The following PCDHGA9 variants were observed in gnomAD, a reference collection of about 807,000 sequenced individuals.
PCDHGA9 encodes protocadherin gamma subfamily A, 9, also known as protocadherin gamma-A9.
Under a neutral mutation model 62.5 loss-of-function variants are expected in PCDHGA9, and 37 were observed. The ratio of observed to expected loss-of-function variants is 0.59; its 90% CI spans 0.46 to 0.78. The LOEUF is 0.78. Ranked by LOEUF, PCDHGA9 falls within the 30% of genes least tolerant of loss-of-function variation. The pLI, the probability that PCDHGA9 is intolerant of heterozygous loss-of-function variation, is 0.00. For synonymous variants in PCDHGA9, 459 were observed against 484.6 expected (o/e 0.95, Z 0.69); for missense variants, 1,138 against 1,166.2 (o/e 0.98, Z 0.35).
intron 1 of PCDHGA9, chr5:141,414,452 T>C (rs767824112): frequency 6.2e-7 from 1 of 1,613,886 alleles, no homozygotes. Flanking sequence ...AATATCACAG[T>C]GACAGCCACA....
chr5:141,419,551 C>T lies in PCDHGA9; in HGVS notation c.2424+14175C>T, dbSNP rs772468979. Reference sequence around the variant, plus strand: ...ACGACAACGCACCGCGGGTGCTGTACCCTGCGCTGGGTCCCGACGGCTCCG... The same window carrying T: ...ACGACAACGCACCGCGGGTGCTGTATCCTGCGCTGGGTCCCGACGGCTCCG... On this transcript the variant is annotated intron_variant, in intron 1 of 3. Transcript: ENST00000573521. 7 of 1,611,916 alleles carry T rather than the reference C, an allele frequency of 4.3e-6. No individual in the cohort carries two copies. The Admixed American group carries it at 1.2e-4, about 27-fold the overall frequency.
chr5:141,477,042 G>A lies in PCDHGA9; in HGVS notation c.2425-17765G>A. ...ACCGGGATGCTGACAATCAAGGGTC[G>A]GCTGGACTTCGAGGACACCAAACTC... On this transcript the variant is annotated intron_variant, in intron 1 of 3. Transcript: ENST00000573521. This position sits in a 1 kb window ranked among gnomAD's most constrained non-coding sequence, Gnocchi z 4.9. 1 of 1,614,238 alleles carries A rather than the reference G, an allele frequency of 6.2e-7. No homozygotes were observed. Among genetic ancestry groups the A allele is most frequent in the Non-Finnish European group, 8.5e-7 (1 of 1,180,040 alleles).
Position 141,477,203 on chromosome 5 carries a change from G to T in PCDHGA9, c.2425-17604G>T. On this transcript the variant is annotated intron_variant, in intron 1 of 3. Coordinates refer to ENST00000573521, the MANE Select transcript of PCDHGA9 (RefSeq NM_018921.3). The surrounding 1 kb of genome is among the most constrained non-coding windows in gnomAD (Gnocchi z 4.9). ...CACCTCCGTGTACAGCCCAGTACCC[G>T]AGGATGCCCCTCTGGGGACTGTCAT... 1 of 1,614,176 alleles carries T rather than the reference G, an allele frequency of 6.2e-7. No individual in the cohort carries two copies. The highest frequency in any genetic ancestry group is 1.1e-5 in the South Asian group (1 of 91,082).
At chr5:141,419,394 G>A (rs778450240) in intron 1 of PCDHGA9, 2 of 1,613,612 alleles carry the variant, frequency 1.2e-6, no homozygotes, top group East Asian at 2.2e-5. Flanking sequence ...GCGCAGAGCG[G>A]GGTGGTGTTC....
intron 1 of PCDHGA9, chr5:141,422,638 T>G (rs1412270971): frequency 6.2e-7 from 1 of 1,612,392 alleles, no homozygotes. Context: ...CAGGGGTGCC[T>G]CCATCTTCTC....
Position 141,412,876 on chromosome 5 carries a change from A to G in PCDHGA9, c.2424+7500A>G, listed in dbSNP as rs1206092699. 12 of 281,096 alleles carry G rather than the reference A, an allele frequency of 4.3e-5. No homozygotes were observed. The East Asian group carries it at 7.9e-4, about 19-fold the overall frequency. The allele number at this position is 281,096 out of a possible 1,614,324, so 17.4% of individuals were successfully genotyped here. A position where few individuals can be genotyped will look rare whatever the true frequency, so the allele number is the denominator to read the frequency against. On this transcript the variant is annotated intron_variant, in intron 1 of 3. Coordinates refer to ENST00000573521, the MANE Select transcript of PCDHGA9 (RefSeq NM_018921.3). ...CAAAGAATCTATGTAAAATATAATAATCCAACAGAATAGTTTACTTTCCAT... is the reference window on the plus strand; with the variant it reads ...CAAAGAATCTATGTAAAATATAATAGTCCAACAGAATAGTTTACTTTCCAT...
At chr5:141,433,352 T>G (rs976015031) in intron 1 of PCDHGA9, 1 of 614,162 alleles carries the variant, frequency 1.6e-6, no homozygotes, top group Admixed American at 3.0e-5. Flanking sequence ...AGCCACCTAC[T>G]GTCTGCCTAT....
Position 141,511,565 on chromosome 5 carries a change from AG to A in PCDHGA9, c.*393del, listed in dbSNP as rs2099883852. 6.8e-6 allele frequency: 2 copies of A among 296,092 alleles called. No homozygotes were observed. Among genetic ancestry groups the A allele is most frequent in the South Asian group, 7.4e-5 (2 of 26,988 alleles). The allele number at this position is 296,092 out of a possible 1,614,324, so 18.3% of individuals were successfully genotyped here. On this transcript the variant is annotated 3_prime_UTR_variant, in exon 4 of 4. Transcript: ENST00000573521. ...CCACTCCAACAGTTCCTCTTTCCCG[AG>A]TAAGGTGGTTGGGGTGTTGAAGTAC...
At position 141,491,660 on chromosome 5, in the gene PCDHGA9, C is replaced by G; in HGVS notation, c.2425-3147C>G. 6.2e-7 allele frequency: 1 copy of G among 1,613,810 alleles called. No individual in the cohort carries two copies. ...ACAGCTCTGGCGCTGGAGCCTGACG[C>G]CATCCGGTCCCGCTCTAATACGCTG... is the stretch of plus-strand genomic sequence containing the variant. On this transcript the variant is annotated intron_variant, in intron 1 of 3. Transcript: ENST00000573521. The surrounding 1 kb of genome is among the most constrained non-coding windows in gnomAD (Gnocchi z 6.9).
intron 1 of PCDHGA9, among the ~76,000 whole-genome samples, chr5:141,446,381 T>C (rs1225260527): frequency 1.3e-5 from 2 of 152,248 alleles, no homozygotes; most frequent in Non-Finnish European, 2.9e-5. Flanking sequence ...TAAAGAATGA[T>C]AGATTTAAGA....
intron 2 of PCDHGA9, among the ~76,000 whole-genome samples, chr5:141,504,490 TGC>T (rs2099838709): frequency 6.6e-6 from 1 of 152,056 alleles, no homozygotes; most frequent in Non-Finnish European, 1.5e-5. Flanking sequence ...TGGAGGCACC[TGC>T]CCAGTCTGAG....
At chr5:141,442,158 A>T (rs966591795) in intron 1 of PCDHGA9, 1 of 157,594 alleles carries the variant, frequency 6.3e-6, no homozygotes, top group African/African-American at 2.4e-5. Context: ...CTCAGCGATC[A>T]CTCTGCAAAG....
Position 141,420,141 on chromosome 5 carries a change from T to C in PCDHGA9, c.2424+14765T>C, listed in dbSNP as rs556066866. 9.9e-6 allele frequency: 16 copies of C among 1,614,040 alleles called. No homozygotes were observed. The East Asian group carries it at 3.3e-4, about 34-fold the overall frequency. On this transcript the variant is annotated intron_variant, in intron 1 of 3. Coordinates refer to ENST00000573521, the MANE Select transcript of PCDHGA9 (RefSeq NM_018921.3). ...AATTTTTGTGTGCCTGGGGATCAAA[T>C]GAATCCAGAATTTAATTTTTTCACA... is the stretch of plus-strand genomic sequence containing the variant.
chr5:141,421,709 C>T, intron 1 of PCDHGA9: 1 of 1,613,926 alleles, frequency 6.2e-7, no homozygotes, highest in Non-Finnish European at 8.5e-7. Flanking sequence ...GCTAGGGATC[C>T]AGATGTGGGC....
chr5:141,502,475 A>G (rs1246548191), intron 2 of PCDHGA9, among the ~76,000 whole-genome samples: 1 of 150,884 alleles, frequency 6.6e-6, no homozygotes, highest in Non-Finnish European at 1.5e-5. Context: ...TTCCCGCAGC[A>G]TCACACTGGG....
intron 1 of PCDHGA9, chr5:141,419,861 T>G (rs749551833): frequency 6.2e-7 from 1 of 1,614,098 alleles, no homozygotes; most frequent in Non-Finnish European, 8.5e-7. Context: ...CGCAGATAGC[T>G]TGCAAGAGGT....
intron 1 of PCDHGA9, chr5:141,413,378 T>G (rs2095632557): frequency 6.2e-7 from 1 of 1,613,616 alleles, no homozygotes; most frequent in Non-Finnish European, 8.5e-7. Context: ...GAGCGCGGAG[T>G]CCGCATAGTC....
At chr5:141,453,608 C>T (rs1015022396) in intron 1 of PCDHGA9, among the ~76,000 whole-genome samples, 6 of 152,068 alleles carry the variant, frequency 3.9e-5, no homozygotes, top group South Asian at 2.1e-4. Context: ...TTTTGCAAAA[C>T]GCAAAAACAA....
At chr5:141,497,060 G>T (rs1244885752) in intron 2 of PCDHGA9, among the ~76,000 whole-genome samples, 1 of 151,952 alleles carries the variant, frequency 6.6e-6, no homozygotes, top group Non-Finnish European at 1.5e-5. Context: ...GTGGTGGCAG[G>T]CACCTGTAAT....
Sources: allele counts gnomAD v4.1 joint callset (sites outside exome capture counted in the v4.1 genomes callset), GRCh38; gene constraint gnomAD v4.1.1; non-coding constraint Gnocchi (gnomAD v3.1); transcripts MANE v1.5; gene names NCBI Gene and HGNC (gene_info 2026-07-23, HGNC 2026-07-21).